PRKAR2B: variants seen among roughly 807,000 people sequenced by gnomAD.
PRKAR2B encodes protein kinase cAMP-dependent type II regulatory subunit beta, also known as cAMP-dependent protein kinase type II-beta regulatory subunit.
A neutral mutation model predicts 49.9 loss-of-function variants in PRKAR2B; 14 were observed. The ratio of observed to expected loss-of-function variants is 0.28; its 90% CI spans 0.19 to 0.44. The LOEUF (loss-of-function observed/expected upper bound fraction) is 0.44, where lower values mean the gene tolerates loss of function less well. PRKAR2B is among the 20% of genes least tolerant of loss of function. The pLI, the probability that PRKAR2B is intolerant of heterozygous loss-of-function variation, is 1.00. For missense variants in PRKAR2B, 393 were observed against 537.9 expected (o/e 0.73, Z 2.67); for synonymous variants, 196 against 197.7 (o/e 0.99, Z 0.07).
intron 1 of PRKAR2B, among the ~76,000 whole-genome samples, chr7:107,046,783 C>CT (rs1243850831): frequency 6.6e-6 from 1 of 152,088 alleles, no homozygotes; most frequent in Non-Finnish European, 1.5e-5. Context: ...AAAAAGGACT[C>CT]TTTTCCCAGG....
At chr7:107,100,415 T>G (rs1452370138) in intron 2 of PRKAR2B, among the ~76,000 whole-genome samples, 2 of 152,212 alleles carry the variant, frequency 1.3e-5, no homozygotes, top group East Asian at 3.8e-4. Flanking sequence ...CTCTTACTGC[T>G]TTGACAATTT....
intron 10 of PRKAR2B, among the ~76,000 whole-genome samples, chr7:107,158,296 T>G (rs796070369): frequency 4.4e-5 from 6 of 137,374 alleles, no homozygotes; most frequent in African/African-American, 1.6e-4. Context: ...GTCTGTTAAT[T>G]TTTTTTCAAT....
intron 2 of PRKAR2B, among the ~76,000 whole-genome samples, chr7:107,092,277 C>CG (rs1554366480): frequency 3.7e-4 from 54 of 146,100 alleles, no homozygotes; most frequent in African/African-American, 1.3e-3. Context: ...GTGCGTGTGT[C>CG]TGTGTGTGTG....
At chr7:107,132,632 G>A (rs1795623490) in intron 4 of PRKAR2B, among the ~76,000 whole-genome samples, 1 of 152,174 alleles carries the variant, frequency 6.6e-6, no homozygotes, top group Non-Finnish European at 1.5e-5. Flanking sequence ...GGGACTGAAG[G>A]AAAGAATCTA....
At chr7:107,112,003 CAAAAAA>C (rs71134251) in intron 2 of PRKAR2B, among the ~76,000 whole-genome samples, 4 of 46,180 alleles carry the variant, frequency 8.7e-5, no homozygotes, top group Admixed American at 3.4e-4. Context: ...CCTCCTCTAC[CAAAAAA>C]AAAAAAAAAA....
At chr7:107,092,705 T>A (rs1185219552) in intron 2 of PRKAR2B, among the ~76,000 whole-genome samples, 1 of 152,216 alleles carries the variant, frequency 6.6e-6, no homozygotes, top group Non-Finnish European at 1.5e-5. Flanking sequence ...TCTATGTATT[T>A]TTATTACAAT....
intron 2 of PRKAR2B, among the ~76,000 whole-genome samples, chr7:107,096,185 G>A (rs1483033857): frequency 1.3e-5 from 2 of 152,188 alleles, no homozygotes; most frequent in Non-Finnish European, 2.9e-5. Flanking sequence ...TTCAGAGCCT[G>A]TTATTGGTCT....
At chr7:107,073,914 T>C (rs1421585500) in intron 2 of PRKAR2B, among the ~76,000 whole-genome samples, 3 of 151,552 alleles carry the variant, frequency 2.0e-5, no homozygotes, top group African/African-American at 4.9e-5. Context: ...ATACAAAAAT[T>C]AGTCAGGCAT....
At chr7:107,116,902 T>A (rs913263801) in intron 2 of PRKAR2B, among the ~76,000 whole-genome samples, 1 of 149,758 alleles carries the variant, frequency 6.7e-6, no homozygotes, top group Non-Finnish European at 1.5e-5. Context: ...TATATGTGTG[T>A]GTGTGTATAT....
intron 2 of PRKAR2B, among the ~76,000 whole-genome samples, chr7:107,114,446 C>A (rs958888713): frequency 6.6e-6 from 1 of 151,450 alleles, no homozygotes; most frequent in Admixed American, 6.6e-5. Flanking sequence ...ACTGCAACCT[C>A]CGCTTCCTGG....
intron 1 of PRKAR2B, among the ~76,000 whole-genome samples, chr7:107,069,329 T>C (rs947916324): frequency 2.6e-5 from 4 of 152,226 alleles, no homozygotes; most frequent in Non-Finnish European, 5.9e-5. Context: ...TGCATACATA[T>C]TTTTCATGCA....
intron 2 of PRKAR2B, among the ~76,000 whole-genome samples, chr7:107,104,978 T>C (rs1236206385): frequency 6.6e-6 from 1 of 152,164 alleles, no homozygotes; most frequent in Non-Finnish European, 1.5e-5. Flanking sequence ...CCCCATTTGA[T>C]TTACTTATGG....
Position 107,139,596 on chromosome 7 carries a change from C to G in PRKAR2B, c.481-1251C>G, listed in dbSNP as rs1045961695. Among the ~76,000 whole-genome samples the G allele has an allele frequency of 5.9e-5, 9 of 152,312 alleles. No homozygotes were observed. The East Asian group carries it at 1.7e-3, about 29-fold the overall frequency. On this transcript the variant is annotated intron_variant, in intron 4 of 10. Coordinates refer to ENST00000265717, the MANE Select transcript of PRKAR2B (RefSeq NM_002736.3). ...TGGACCCTCTTGGTGCTCTGCAAGG[C>G]ATGTTGGCCCCTCCACACTGCAGTC... is the stretch of plus-strand genomic sequence containing the variant.
At chr7:107,055,873 G>C (rs1793901950) in intron 1 of PRKAR2B, among the ~76,000 whole-genome samples, 1 of 152,134 alleles carries the variant, frequency 6.6e-6, no homozygotes, top group African/African-American at 2.4e-5. Flanking sequence ...TGGTGTTTTA[G>C]ACATGAAGTC....
intron 2 of PRKAR2B, among the ~76,000 whole-genome samples, chr7:107,106,519 C>CA (rs1795076385): frequency 6.6e-6 from 1 of 152,178 alleles, no homozygotes; most frequent in Non-Finnish European, 1.5e-5. Flanking sequence ...AAAAACTGAC[C>CA]AAATTTCTCC....
chr7:107,046,174 C>A (rs1793690448), intron 1 of PRKAR2B, among the ~76,000 whole-genome samples: 1 of 152,198 alleles, frequency 6.6e-6, no homozygotes, highest in African/African-American at 2.4e-5. Flanking sequence ...CATTTACAGC[C>A]CCTTGTATTA....
chr7:107,098,055 C>T (rs1794880426), intron 2 of PRKAR2B, among the ~76,000 whole-genome samples: 1 of 152,178 alleles, frequency 6.6e-6, no homozygotes, highest in South Asian at 2.1e-4. Flanking sequence ...GAGTGTTAGC[C>T]TGCCTTGCTA....
intron 3 of PRKAR2B, among the ~76,000 whole-genome samples, chr7:107,124,525 C>G (rs146138869): frequency 1.3e-3 from 198 of 152,352 alleles, no homozygotes; most frequent in Non-Finnish European, 1.8e-3. Context: ...TCAAGTGATT[C>G]TCATGCCTCA....
At chr7:107,058,082 G>T (rs1793950183) in intron 1 of PRKAR2B, among the ~76,000 whole-genome samples, 1 of 151,596 alleles carries the variant, frequency 6.6e-6, no homozygotes, top group African/African-American at 2.4e-5. Flanking sequence ...AAAAAAAGAT[G>T]GGATAAAGCT....
Sources: gnomAD v4.1 joint callset for allele counts (sites outside exome capture counted in the v4.1 genomes callset) on GRCh38, gnomAD v4.1.1 for gene constraint, MANE v1.5 for transcripts, NCBI Gene and HGNC (gene_info 2026-07-23, HGNC 2026-07-21) for gene names.